Variants in IMPG1 observed in about 807,000 individuals in gnomAD.
IMPG1 encodes interphotoreceptor matrix proteoglycan of 150 kDa.
In IMPG1, 85 loss-of-function variants were observed where a neutral mutation model predicts 92.0. The observed-to-expected ratio is 0.92, with a 90% confidence interval of 0.78 to 1.11. The LOEUF is 1.11. IMPG1 is among the 50% of genes least tolerant of loss of function. The pLI is 0.00. For missense variants in IMPG1, 1,022 were observed against 956.0 expected (o/e 1.07, Z -0.91); for synonymous variants, 367 against 334.1 (o/e 1.10, Z -1.08).
intron 12 of IMPG1, among the ~76,000 whole-genome samples, chr6:75,981,077 C>A (rs949435880): frequency 6.6e-6 from 1 of 152,168 alleles, no homozygotes; most frequent in Non-Finnish European, 1.5e-5. Context: ...TGCGATGCAG[C>A]CCTGGTCCTG....
intron 2 of IMPG1, among the ~76,000 whole-genome samples, chr6:76,038,044 G>GTAGA (rs1478627319): frequency 6.6e-6 from 1 of 152,186 alleles, no homozygotes; most frequent in Admixed American, 6.5e-5. Flanking sequence ...CATAACTGAT[G>GTAGA]CAGACAGATG....
chr6:76,020,194 A>G (rs1352133609), intron 6 of IMPG1, among the ~76,000 whole-genome samples: 1 of 152,066 alleles, frequency 6.6e-6, no homozygotes, highest in Admixed American at 6.6e-5. Context: ...CTGGGACTAC[A>G]GGCATGGACC....
chr6:75,975,421 A>G (rs1782517782), intron 12 of IMPG1, among the ~76,000 whole-genome samples: 1 of 152,226 alleles, frequency 6.6e-6, no homozygotes, highest in African/African-American at 2.4e-5. Context: ...GGTTTAAAAG[A>G]TTACTAGGTG....
At chr6:75,965,774 A>AT (rs1345692308) in intron 12 of IMPG1, among the ~76,000 whole-genome samples, 7 of 151,444 alleles carry the variant, frequency 4.6e-5, no homozygotes, top group Non-Finnish European at 1.0e-4. Context: ...CGCCCAGCTA[A>AT]TTTTTTGTAT....
Position 76,005,523 on chromosome 6 carries a change from G to T in IMPG1, c.899C>A (p.Thr300Lys). The change falls in exon 10 of 17, where the codon ACA becomes AAA. Residue 300 changes from threonine (T) to lysine (K), a missense_variant. Physicochemically the swap from Thr to Lys is moderately conservative, Grantham distance 78. Around this residue, in one of 3 missense-constraint regions of IMPG1, gnomAD observed 681 missense variants for 583.6 expected, o/e 1.17. Transcript: ENST00000369950. Reference sequence around the variant, plus strand: ...AAAGATGGCCGTAAGTTGCATCTCTGTGGAGCTTGAGCTGTAGATAGCAGA... The same window carrying T: ...AAAGATGGCCGTAAGTTGCATCTCTTTGGAGCTTGAGCTGTAGATAGCAGA... ...PKKEKDGSSSTEMQLTAIFKR... is the reference protein window; with the variant it reads ...PKKEKDGSSSKEMQLTAIFKR... The T allele has an allele frequency of 2.5e-6, 4 of 1,613,892 alleles. No homozygotes were observed. The highest frequency in any genetic ancestry group is 3.4e-6 in the Non-Finnish European group (4 of 1,179,912).
At chr6:75,983,594 T>TA (rs1452922208) in intron 12 of IMPG1, among the ~76,000 whole-genome samples, 1 of 152,100 alleles carries the variant, frequency 6.6e-6, no homozygotes, top group African/African-American at 2.4e-5. Context: ...ATTAAAGACT[T>TA]AAATGTAAAA....
intron 12 of IMPG1, among the ~76,000 whole-genome samples, chr6:75,984,099 C>T (rs1248905301): frequency 6.6e-6 from 1 of 152,168 alleles, no homozygotes; most frequent in Non-Finnish European, 1.5e-5. Flanking sequence ...GAAAGGGGAA[C>T]ATTTGCACAT....
chr6:75,931,446 T>C (rs1319938192), intron 14 of IMPG1, among the ~76,000 whole-genome samples: 1 of 152,208 alleles, frequency 6.6e-6, no homozygotes, highest in Non-Finnish European at 1.5e-5. Flanking sequence ...CACTCAGAGT[T>C]CCTGTGCAAG....
chr6:76,042,192 A>C, intron 1 of IMPG1, 66 bp from the exon 2 acceptor site: 1 of 849,772 alleles, frequency 1.2e-6, no homozygotes, highest in Non-Finnish European at 2.0e-6. Flanking sequence ...ACATATATGG[A>C]TAAATGACTG....
At chr6:75,974,401 T>TTTCTTTCCTTCCTTCC (rs1562354905) in intron 12 of IMPG1, among the ~76,000 whole-genome samples, 10 of 92,824 alleles carry the variant, frequency 1.1e-4, no homozygotes, top group African/African-American at 3.5e-4. Flanking sequence ...CTTTTCTTTC[T>TTTCTTTCCTTCCTTCC]TTCCTTCCTT....
rs566481224 is a variant in IMPG1 at position 76,072,599 on chromosome 6, A to C, written c.-111T>G. ...ATTATATATTGATACCAGATGATTG[A>C]GGATAACCTTCTTGGTTTACCTTTA... On this transcript the variant is annotated 5_prime_UTR_variant, in exon 1 of 17. Coordinates refer to ENST00000369950, the MANE Select transcript of IMPG1 (RefSeq NM_001563.4). 34 of 629,218 alleles carry C rather than the reference A, an allele frequency of 5.4e-5. No individual in the cohort carries two copies. In the African/African-American group the frequency reaches 6.3e-4, roughly 12 times the overall value. The allele number at this position is 629,218 out of a possible 1,614,324, so 39.0% of individuals were successfully genotyped here. A position where few individuals can be genotyped will look rare whatever the true frequency, so the allele number is the denominator to read the frequency against.
intron 12 of IMPG1, among the ~76,000 whole-genome samples, chr6:75,981,766 G>A (rs1562357987): frequency 1.3e-5 from 2 of 152,220 alleles, no homozygotes; most frequent in Non-Finnish European, 2.9e-5. Context: ...CAGCTAGAGG[G>A]AATTGTTGAG....
At chr6:75,938,871 C>T (rs1032970219) in intron 14 of IMPG1, among the ~76,000 whole-genome samples, 3 of 152,048 alleles carry the variant, frequency 2.0e-5, no homozygotes, top group African/African-American at 7.3e-5. Flanking sequence ...CTGACCAAGA[C>T]AGCCTTAATA....
chr6:75,961,835 A>G (rs181314452), intron 12 of IMPG1, among the ~76,000 whole-genome samples: 90 of 152,324 alleles, frequency 5.9e-4, no homozygotes, highest in Admixed American at 5.8e-3. Context: ...GGGTGGCTAA[A>G]GACATTTTCA....
At chr6:75,949,382 C>A (rs953471014) in intron 13 of IMPG1, among the ~76,000 whole-genome samples, 1 of 152,166 alleles carries the variant, frequency 6.6e-6, no homozygotes, top group Non-Finnish European at 1.5e-5. Flanking sequence ...CCCATCGGCA[C>A]CATGACAGTT....
intron 1 of IMPG1, among the ~76,000 whole-genome samples, chr6:76,069,223 C>G (rs1423829266): frequency 6.6e-6 from 1 of 151,948 alleles, no homozygotes; most frequent in African/African-American, 2.4e-5. Context: ...AAAATTAGCC[C>G]AATAGAGATA....
chr6:76,022,852 T>A, intron 5 of IMPG1, among the ~76,000 whole-genome samples: 1 of 152,324 alleles, frequency 6.6e-6, no homozygotes, highest in South Asian at 2.1e-4. Context: ...TTTAAAAAAA[T>A]GCTCAGAGAA....
chr6:75,991,960 C>G (rs953742344), intron 12 of IMPG1, among the ~76,000 whole-genome samples: 2 of 152,142 alleles, frequency 1.3e-5, no homozygotes, highest in African/African-American at 4.8e-5. Context: ...GGCTAGGGCA[C>G]AGTACCCAGA....
chr6:76,054,557 AG>A, intron 1 of IMPG1, among the ~76,000 whole-genome samples: 1 of 152,272 alleles, frequency 6.6e-6, no homozygotes, highest in Admixed American at 6.5e-5. Context: ...AATGGAAAAA[AG>A]TTATAATAGA....
Sources: gnomAD v4.1 joint callset for allele counts (sites outside exome capture counted in the v4.1 genomes callset) on GRCh38, gnomAD v4.1.1 for gene constraint, gnomAD v4.1.1 regional missense constraint, MANE v1.5 for transcripts, NCBI Gene and HGNC (gene_info 2026-07-23, HGNC 2026-07-21) for gene names.